The following BCL11B variants were observed in gnomAD, a reference collection of about 807,000 sequenced individuals.
BCL11B encodes the protein BCL11 transcription factor B.
Under a neutral mutation model 49.9 loss-of-function variants are expected in BCL11B, and 8 were observed. The observed-to-expected ratio is 0.16, with a 90% CI of 0.09 to 0.29. BCL11B has a LOEUF of 0.29. BCL11B is among the 10% of genes least tolerant of loss of function. The pLI, the probability that BCL11B is intolerant of heterozygous loss-of-function variation, is 1.00. For synonymous variants in BCL11B, 739 were observed against 637.4 expected, an observed-to-expected ratio of 1.16 and a Z score of -2.40; for missense variants, 1,006 against 1,351.0, an observed-to-expected ratio of 0.74 and a Z score of 4.00.
chr14:99,257,917 T>C lies in BCL11B; in HGVS notation c.59-78A>G. 7.1e-7 allele frequency: 1 copy of C among 1,406,156 alleles called. No homozygotes were observed. The highest frequency in any genetic ancestry group is 9.3e-7 in the Non-Finnish European group (1 of 1,072,470). 87.1% of individuals were successfully genotyped at this position (1,406,156 alleles called of 1,614,324 possible). A position where few individuals can be genotyped will look rare whatever the true frequency, so the allele number is the denominator to read the frequency against. On this transcript the variant is annotated intron_variant, in intron 1 of 3. Transcript: ENST00000357195. This position sits in a 1 kb window ranked among gnomAD's most constrained non-coding sequence, Gnocchi z 6.2. ...GGCGGTCACAGCACCCAACTTCCGGTCCACCCCTTCCCCGCCAAGAAGCAG... is the reference window on the plus strand; with the variant it reads ...GGCGGTCACAGCACCCAACTTCCGGCCCACCCCTTCCCCGCCAAGAAGCAG...
At chr14:99,178,065 A>C (rs1886591221) in intron 3 of BCL11B, among the ~76,000 whole-genome samples, 1 of 152,152 alleles carries the variant, frequency 6.6e-6, no homozygotes, top group Non-Finnish European at 1.5e-5. Context: ...GCAGCGTCAC[A>C]GAAGGCTTCG....
chr14:99,171,060 G>C lies in BCL11B; in HGVS notation c.*3091C>G. Reference sequence around the variant, plus strand: ...ATGGCCTCTTAGAGAAAGGGAGGACGATGTGGAATGTTACTGACATCTTTA... The same window carrying C: ...ATGGCCTCTTAGAGAAAGGGAGGACCATGTGGAATGTTACTGACATCTTTA... On this transcript the variant is annotated 3_prime_UTR_variant, in exon 4 of 4. Transcript: ENST00000357195. 4.3e-6 allele frequency: 1 copy of C among 230,676 alleles called. No individual in the cohort carries two copies. The highest frequency in any genetic ancestry group is 5.6e-5 in the Admixed American group (1 of 17,708). The allele number at this position is 230,676 out of a possible 1,614,324, so 14.3% of individuals were successfully genotyped here. A position where few individuals can be genotyped will look rare whatever the true frequency, so the allele number is the denominator to read the frequency against.
Position 99,174,643 on chromosome 14 carries a change from G to T in BCL11B, c.2193C>A (p.Asp731Glu). ...FMKDPFLGFT[D>E]ARQSPFATSS... is the part of the protein sequence containing the mutation. Reference sequence around the variant, plus strand: ...ACGTGGCGAAGGGCGACTGTCGTGCGTCCGTGAAGCCCAGGAAGGGGTCCT... The same window carrying T: ...ACGTGGCGAAGGGCGACTGTCGTGCTTCCGTGAAGCCCAGGAAGGGGTCCT... The change falls in exon 4 of 4, where the codon GAC (aspartate) becomes GAA (glutamate). Residue 731 changes from aspartate to glutamate, a missense_variant. Asp to Glu is a conservative substitution (Grantham distance 45). Around this residue, in one of 6 missense-constraint regions of BCL11B, gnomAD observed 443 missense variants for 499.7 expected, o/e 0.89. Coordinates refer to ENST00000357195, the MANE Select transcript of BCL11B (RefSeq NM_138576.4). 1 of 1,575,446 alleles carries T rather than the reference G, an allele frequency of 6.3e-7. No individual in the cohort carries two copies. The highest frequency in any genetic ancestry group is 8.6e-7 in the Non-Finnish European group (1 of 1,164,576).
In BCL11B at chr14:99,175,179, C is replaced by G. The variant is rs1283714584; in HGVS notation, c.1657G>C (p.Glu553Gln). 6.3e-7 allele frequency: 1 copy of G among 1,577,830 alleles called. No individual in the cohort carries two copies. The highest frequency in any genetic ancestry group is 8.6e-7 in the Non-Finnish European group (1 of 1,164,010). The change falls in exon 4 of 4, where the codon GAG (glutamate) becomes CAG (glutamine). Residue 553 changes from glutamate to glutamine, a missense_variant. Physicochemically the swap from Glu to Gln is conservative, Grantham distance 29. Coordinates refer to ENST00000357195, the MANE Select transcript of BCL11B (RefSeq NM_138576.4). Reference protein sequence around the residue: ...ELLLENESRPESSFSMDSELS... With the variant: ...ELLLENESRPQSSFSMDSELS... ...TCCGAGTCCATGCTGAAGCTCGACT[C>G]GGGCCGGCTCTCGTTCTCCAGTAGC...
At chr14:99,211,538 G>GTGTGCACACAGACATA (rs1303609467) in intron 3 of BCL11B, among the ~76,000 whole-genome samples, 1 of 152,196 alleles carries the variant, frequency 6.6e-6, no homozygotes, top group Non-Finnish European at 1.5e-5. Context: ...ACATGCACTC[G>GTGTGCACACAGACATA]TGTGCACACA....
intron 3 of BCL11B, among the ~76,000 whole-genome samples, chr14:99,180,009 A>G (rs529096379): frequency 6.6e-6 from 1 of 152,200 alleles, no homozygotes; most frequent in Non-Finnish European, 1.5e-5. Flanking sequence ...CTCATTTTTA[A>G]GTGCAGCAAA....
chr14:99,261,950 A>C (rs1376026263), intron 1 of BCL11B, among the ~76,000 whole-genome samples: 1 of 152,220 alleles, frequency 6.6e-6, no homozygotes, highest in Non-Finnish European at 1.5e-5. Flanking sequence ...TTACAAGGCC[A>C]GGCCTCCTCC....
In BCL11B at chr14:99,170,654, C is replaced by A. The variant is rs556592297; in HGVS notation, c.*3497G>T. The A allele has an allele frequency of 8.6e-6, 2 of 233,074 alleles. No homozygotes were observed. The highest frequency in any genetic ancestry group is 1.8e-4 in the South Asian group (1 of 5,510). 14.4% of individuals were successfully genotyped at this position (233,074 alleles called of 1,614,324 possible). A position where few individuals can be genotyped will look rare whatever the true frequency, so the allele number is the denominator to read the frequency against. On this transcript the variant is annotated 3_prime_UTR_variant, in exon 4 of 4. Coordinates refer to ENST00000357195, the MANE Select transcript of BCL11B (RefSeq NM_138576.4). ...AGAGAGAACGAGATATGGAAAGGCA[C>A]CAAATTCATCCCAGGCCCTCGCATT...
rs1889365121 is a variant in BCL11B at position 99,262,540 on chromosome 14, C to A, written c.59-4701G>T. ...CCCAGGCTCTTAAAATCGTGTGCCA[C>A]CAACGTCACAACCGCCATCATGATG... On this transcript the variant is annotated intron_variant, in intron 1 of 3. Transcript: ENST00000357195. The surrounding 1 kb of genome is among the most constrained non-coding windows in gnomAD (Gnocchi z 4.2). Among the ~76,000 whole-genome samples, 1 of 152,120 alleles carries A rather than the reference C, an allele frequency of 6.6e-6. No individual in the cohort carries two copies. Among genetic ancestry groups the A allele is most frequent in the Non-Finnish European group, 1.5e-5 (1 of 68,028 alleles).
intron 3 of BCL11B, among the ~76,000 whole-genome samples, chr14:99,176,788 T>C (rs1886548650): frequency 6.6e-6 from 1 of 152,024 alleles, no homozygotes; most frequent in Admixed American, 6.5e-5. Context: ...ACCAAAAATG[T>C]CTCCAGGCCT....
chr14:99,185,724 G>A (rs1003701491), intron 3 of BCL11B, among the ~76,000 whole-genome samples: 3 of 151,646 alleles, frequency 2.0e-5, no homozygotes, highest in African/African-American at 7.3e-5. Flanking sequence ...TCATTCCACA[G>A]GGCTGTCCTT....
In BCL11B at chr14:99,192,298, C is replaced by G. The variant is rs1055749500; in HGVS notation, c.641-16103G>C. ...AGTAGCACTTTCATTTTAAGCGCCCCAGCCACGCTTCCCTAATAACAGCCT... is the reference window on the plus strand; with the variant it reads ...AGTAGCACTTTCATTTTAAGCGCCCGAGCCACGCTTCCCTAATAACAGCCT... On this transcript the variant is annotated intron_variant, in intron 3 of 3. Transcript: ENST00000357195. The surrounding 1 kb of genome is among the most constrained non-coding windows in gnomAD (Gnocchi z 4.0). Among the ~76,000 whole-genome samples the G allele has an allele frequency of 5.3e-5, 8 of 152,148 alleles. No individual in the cohort carries two copies. Among genetic ancestry groups the G allele is most frequent in the Non-Finnish European group, 8.8e-5 (6 of 68,032 alleles).
At chr14:99,193,605 A>G (rs1030048018) in intron 3 of BCL11B, among the ~76,000 whole-genome samples, 1 of 152,192 alleles carries the variant, frequency 6.6e-6, no homozygotes, top group African/African-American at 2.4e-5. Flanking sequence ...GAGAAAGAAA[A>G]AAAAGTTTCC....
At chr14:99,196,556 C>T (rs143160006) in intron 3 of BCL11B, among the ~76,000 whole-genome samples, 56 of 152,322 alleles carry the variant, frequency 3.7e-4, no homozygotes, top group African/African-American at 1.1e-3. Flanking sequence ...TAGGCCACAG[C>T]AGCTTTCACT....
chr14:99,226,610 T>C (rs576686347), intron 3 of BCL11B, among the ~76,000 whole-genome samples: 1 of 152,322 alleles, frequency 6.6e-6, no homozygotes, highest in East Asian at 1.9e-4. Context: ...ACAGACCATA[T>C]CATTAACACA....
Position 99,177,115 on chromosome 14 carries a change from G to A in BCL11B, c.641-920C>T, listed in dbSNP as rs538003294. Among the ~76,000 whole-genome samples the A allele has an allele frequency of 2.6e-5, 4 of 152,076 alleles. No individual in the cohort carries two copies. The South Asian group carries it at 8.3e-4, about 32-fold the overall frequency. ...ACTGTGACAGCTGCCCCCACCCCGT[G>A]TCCTCACACACACGCCCAAACACCG... On this transcript the variant is annotated intron_variant, in intron 3 of 3. Coordinates refer to ENST00000357195, the MANE Select transcript of BCL11B (RefSeq NM_138576.4).
intron 1 of BCL11B, among the ~76,000 whole-genome samples, chr14:99,259,195 A>T (rs1889266584): frequency 6.6e-6 from 1 of 152,154 alleles, no homozygotes; most frequent in Non-Finnish European, 1.5e-5. Context: ...GGTAAATTTT[A>T]AGTTGTATGG....
chr14:99,200,003 A>G (rs1369867530), intron 3 of BCL11B, among the ~76,000 whole-genome samples: 3 of 151,900 alleles, frequency 2.0e-5, no homozygotes, highest in African/African-American at 7.2e-5. Context: ...TGTTTCCCCA[A>G]ATCCCAAGAT....
intron 3 of BCL11B, among the ~76,000 whole-genome samples, chr14:99,218,232 A>ATTTTTTTTTTTT (rs34932370): frequency 2.7e-5 from 3 of 112,888 alleles, no homozygotes; most frequent in Admixed American, 9.7e-5. Context: ...TGCCTGGCTA[A>ATTTTTTTTTTTT]TTTTTTTTTT....
Sources: gnomAD v4.1 joint callset for allele counts (sites outside exome capture counted in the v4.1 genomes callset) on GRCh38, gnomAD v4.1.1 for gene constraint, gnomAD v4.1.1 regional missense constraint, Gnocchi (gnomAD v3.1) non-coding constraint, MANE v1.5 for transcripts, NCBI Gene and HGNC (gene_info 2026-07-23, HGNC 2026-07-21) for gene names.